Variants in SGCZ observed in about 807,000 individuals in gnomAD.
SGCZ encodes zeta-sarcoglycan.
In SGCZ, 40 loss-of-function variants were observed where a neutral mutation model predicts 41.3. The observed-to-expected ratio is 0.97, with a 90% CI of 0.75 to 1.26. The LOEUF is 1.26. Ranked by LOEUF, SGCZ falls within the 50% of genes most tolerant of loss-of-function variation. The probability of loss-of-function intolerance (pLI) is 0.00; values close to 1 mark genes in which losing one functional copy is unlikely to be tolerated. For synonymous variants in SGCZ, 206 were observed against 137.5 expected, an observed-to-expected ratio of 1.50 and a Z score of -3.49; for missense variants, 552 against 369.8, an observed-to-expected ratio of 1.49 and a Z score of -4.04.
intron 3 of SGCZ, among the ~76,000 whole-genome samples, chr8:14,275,436 C>T (rs773518178): frequency 1.8e-4 from 28 of 152,152 alleles, no homozygotes; most frequent in Non-Finnish European, 3.4e-4. Context: ...CCCCTCCTTT[C>T]CCTTGGCTGG....
intron 1 of SGCZ, among the ~76,000 whole-genome samples, chr8:15,187,636 C>T (rs1800387883): frequency 6.6e-6 from 1 of 151,954 alleles, no homozygotes; most frequent in Non-Finnish European, 1.5e-5. Flanking sequence ...CTTTTAGGCA[C>T]ATTTCTCCTT....
chr8:14,243,225 A>T (rs888314687), intron 3 of SGCZ, among the ~76,000 whole-genome samples: 8 of 152,202 alleles, frequency 5.3e-5, no homozygotes, highest in African/African-American at 1.9e-4. Context: ...TTTGTTACCG[A>T]AGTTTGTATA....
intron 1 of SGCZ, among the ~76,000 whole-genome samples, chr8:14,581,490 A>G (rs1421890486): frequency 6.6e-6 from 1 of 150,690 alleles, no homozygotes; most frequent in Non-Finnish European, 1.5e-5. Flanking sequence ...GCATTATTAT[A>G]TCTGACTTGT....
At chr8:14,582,573 A>G (rs892119200) in intron 1 of SGCZ, among the ~76,000 whole-genome samples, 3 of 151,170 alleles carry the variant, frequency 2.0e-5, no homozygotes, top group African/African-American at 4.9e-5. Flanking sequence ...GGTTAGTTAC[A>G]TATGTATACA....
intron 1 of SGCZ, among the ~76,000 whole-genome samples, chr8:14,589,418 C>T (rs1430757969): frequency 6.6e-6 from 1 of 151,368 alleles, no homozygotes; most frequent in Non-Finnish European, 1.5e-5. Context: ...ATAATACCAA[C>T]CAAACTTAAT....
In SGCZ at chr8:14,535,324, A is replaced by AC. The variant is rs1326836944; in HGVS notation, c.234+19407_234+19408insG. Among the ~76,000 whole-genome samples the AC allele has an allele frequency of 5.9e-5, 9 of 151,744 alleles. No homozygotes were observed. In the South Asian group the frequency reaches 1.0e-3, roughly 17 times the overall value. Reference sequence around the variant, plus strand: ...TATTTCCATGAACAGGAAAAAAAAAAGTCTGCTTGCTTTCTCCTAAAAACT... The same window carrying AC: ...TATTTCCATGAACAGGAAAAAAAAAACGTCTGCTTGCTTTCTCCTAAAAACT... On this transcript the variant is annotated intron_variant, in intron 2 of 7. Coordinates refer to ENST00000382080, the MANE Select transcript of SGCZ (RefSeq NM_139167.4).
intron 4 of SGCZ, among the ~76,000 whole-genome samples, chr8:14,235,009 T>C (rs929755101): frequency 6.6e-6 from 1 of 152,162 alleles, no homozygotes; most frequent in Admixed American, 6.5e-5. Context: ...ATAATTACAC[T>C]CACCATCATC....
chr8:14,122,818 T>G (rs1802741109), intron 5 of SGCZ, among the ~76,000 whole-genome samples: 1 of 99,480 alleles, frequency 1.0e-5, no homozygotes, highest in Non-Finnish European at 2.0e-5. Flanking sequence ...GCAGAGAAAT[T>G]TGGGAAACAT....
intron 4 of SGCZ, among the ~76,000 whole-genome samples, chr8:14,192,350 C>T (rs1205547855): frequency 6.6e-6 from 1 of 151,796 alleles, no homozygotes; most frequent in East Asian, 1.9e-4. Flanking sequence ...TCTTATCTAA[C>T]CTGAATTTTC....
intron 4 of SGCZ, among the ~76,000 whole-genome samples, chr8:14,188,948 C>G (rs981443631): frequency 6.6e-6 from 1 of 151,362 alleles, no homozygotes; most frequent in South Asian, 2.1e-4. Flanking sequence ...CTCCATCACC[C>G]GGGTTCAAGC....
intron 4 of SGCZ, among the ~76,000 whole-genome samples, chr8:14,234,130 C>G (rs1806672392): frequency 6.6e-6 from 1 of 152,004 alleles, no homozygotes; most frequent in African/African-American, 2.4e-5. Context: ...AAATATCTGT[C>G]AAATTGATTT....
intron 1 of SGCZ, among the ~76,000 whole-genome samples, chr8:14,609,412 G>C (rs953505318): frequency 2.6e-5 from 4 of 152,052 alleles, no homozygotes; most frequent in Non-Finnish European, 5.9e-5. Context: ...AAGTCACTTT[G>C]AGATTCTTGA....
chr8:14,311,849 G>A (rs1050414684), intron 3 of SGCZ, among the ~76,000 whole-genome samples: 1 of 152,050 alleles, frequency 6.6e-6, no homozygotes, highest in Non-Finnish European at 1.5e-5. Context: ...ATGTCACTGG[G>A]CACTTAATAT....
chr8:15,017,196 C>G (rs544402366), intron 1 of SGCZ, among the ~76,000 whole-genome samples: 6 of 152,222 alleles, frequency 3.9e-5, no homozygotes, highest in African/African-American at 1.2e-4. Context: ...TAACCTTTCC[C>G]ACAATTTAGT....
intron 5 of SGCZ, among the ~76,000 whole-genome samples, chr8:14,144,595 A>C (rs938125717): frequency 3.3e-5 from 5 of 152,212 alleles, no homozygotes; most frequent in African/African-American, 1.2e-4. Context: ...GGAGAAAAGC[A>C]GAGGGAAAAG....
intron 1 of SGCZ, among the ~76,000 whole-genome samples, chr8:15,159,604 GC>G (rs1432559323): frequency 2.0e-5 from 3 of 152,140 alleles, no homozygotes; most frequent in Admixed American, 6.5e-5. Flanking sequence ...TGGTGTGTGG[GC>G]AACCTCTCCC....
At chr8:15,204,841 G>A (rs1199618900) in intron 1 of SGCZ, among the ~76,000 whole-genome samples, 1 of 152,132 alleles carries the variant, frequency 6.6e-6, no homozygotes, top group Non-Finnish European at 1.5e-5. Flanking sequence ...TCCCAAGAGA[G>A]GGGAACTATC....
chr8:14,908,743 CAAAAAAAA>C (rs58817872), intron 1 of SGCZ, among the ~76,000 whole-genome samples: 3 of 91,148 alleles, frequency 3.3e-5, no homozygotes, highest in Non-Finnish European at 6.4e-5. Flanking sequence ...GTCACCGTTG[CAAAAAAAA>C]AAAAAAAAAA....
chr8:14,324,139 T>A lies in SGCZ; in HGVS notation c.300A>T (p.Leu100=). ...GIRLEGISEF[L]LPLYVKEIHS... ...GAATTTCTTTCACATACAATGGAAG[T>A]AGAAACTCAGATATACCTTCAAGTC... Residue 100 remains leucine (L), a synonymous_variant, in exon 3 of 8, where the codon CTA becomes CTT. Transcript: ENST00000382080. The A allele has an allele frequency of 1.2e-6, 2 of 1,613,012 alleles. No homozygotes were observed. The highest frequency in any genetic ancestry group is 1.7e-6 in the Non-Finnish European group (2 of 1,179,452).
Sources: gnomAD v4.1 joint callset for allele counts (sites outside exome capture counted in the v4.1 genomes callset) on GRCh38, gnomAD v4.1.1 for gene constraint, MANE v1.5 for transcripts, NCBI Gene and HGNC (gene_info 2026-07-23, HGNC 2026-07-21) for gene names.